P2RY14: variants seen among roughly 807,000 people sequenced by gnomAD.
P2RY14 encodes the protein purinergic receptor P2Y14, also known as P2Y purinoceptor 14.
Under a neutral mutation model 0.9 loss-of-function variants are expected in P2RY14, and 2 were observed. The ratio of observed to expected loss-of-function variants is 2.16; its 90% confidence interval spans 0.88 to 6.79. P2RY14 has a LOEUF of 6.79. P2RY14 is among the 30% of genes most tolerant of loss of function. The probability of loss-of-function intolerance (pLI) is 0.05; values close to 1 mark genes in which losing one functional copy is unlikely to be tolerated. For synonymous variants in P2RY14, 158 were observed against 147.2 expected (o/e 1.07, Z -0.53); for missense variants, 378 against 400.1 (o/e 0.94, Z 0.47).
At chr3:151,240,302 T>C (rs904564243) in intron 1 of P2RY14, among the ~76,000 whole-genome samples, 5 of 152,228 alleles carry the variant, frequency 3.3e-5, no homozygotes, top group Non-Finnish European at 5.9e-5. Flanking sequence ...TTACCCTTTA[T>C]TTCTGTGATT....
At chr3:151,255,512 C>T (rs756355268) in intron 1 of P2RY14, among the ~76,000 whole-genome samples, 35 of 152,042 alleles carry the variant, frequency 2.3e-4, no homozygotes, top group Non-Finnish European at 4.7e-4. Context: ...TTGGTTCTGC[C>T]ATGGCTGGGG....
At chr3:151,218,341 T>A (rs1387068177) in intron 2 of P2RY14, among the ~76,000 whole-genome samples, 1 of 152,150 alleles carries the variant, frequency 6.6e-6, no homozygotes, top group Non-Finnish European at 1.5e-5. Flanking sequence ...ACAGGACTTC[T>A]GGATGATGAT....
chr3:151,264,856 G>A (rs2149516730), intron 1 of P2RY14, among the ~76,000 whole-genome samples: 1 of 152,254 alleles, frequency 6.6e-6, no homozygotes, highest in East Asian at 1.9e-4. Context: ...TGACCAGCTG[G>A]CCCTGCCTGG....
chr3:151,218,148 C>T (rs547904727), intron 2 of P2RY14, among the ~76,000 whole-genome samples: 129 of 151,890 alleles, frequency 8.5e-4, no homozygotes, highest in Non-Finnish European at 1.7e-3. Context: ...GTTTTATTCT[C>T]ATGCTGATTT....
intron 1 of P2RY14, among the ~76,000 whole-genome samples, chr3:151,249,616 GT>G (rs1736445335): frequency 6.6e-6 from 1 of 152,150 alleles, no homozygotes; most frequent in Non-Finnish European, 1.5e-5. Flanking sequence ...ATGCATGCCA[GT>G]ACCTCTTCTA....
At chr3:151,254,501 G>A (rs1737446084) in intron 1 of P2RY14, among the ~76,000 whole-genome samples, 1 of 152,134 alleles carries the variant, frequency 6.6e-6, no homozygotes, top group Non-Finnish European at 1.5e-5. Context: ...ATAATTAGTT[G>A]AGATATGTAA....
intron 1 of P2RY14, among the ~76,000 whole-genome samples, chr3:151,256,863 GT>G (rs1275577729): frequency 2.8e-4 from 28 of 98,272 alleles, no homozygotes; most frequent in Admixed American, 5.8e-4. Context: ...TTTTTTTGTT[GT>G]TTTTTTTTTT....
chr3:151,260,877 G>A (rs749077099), intron 1 of P2RY14, among the ~76,000 whole-genome samples: 2 of 152,038 alleles, frequency 1.3e-5, no homozygotes, highest in African/African-American at 4.8e-5. Flanking sequence ...GACGTTTCCA[G>A]TAAAGTCAAC....
At chr3:151,275,544 T>C (rs1305993112) in intron 1 of P2RY14, among the ~76,000 whole-genome samples, 1 of 152,210 alleles carries the variant, frequency 6.6e-6, no homozygotes, top group African/African-American at 2.4e-5. Context: ...AGTATTTCAC[T>C]TTGACTTTAA....
chr3:151,217,472 A>G (rs1728469519), intron 2 of P2RY14, among the ~76,000 whole-genome samples: 2 of 152,224 alleles, frequency 1.3e-5, no homozygotes, highest in South Asian at 4.1e-4. Context: ...GGACTGACTG[A>G]CCAAGGTAAA....
intron 1 of P2RY14, among the ~76,000 whole-genome samples, chr3:151,265,134 T>A (rs1400255464): frequency 1.3e-5 from 2 of 152,206 alleles, no homozygotes; most frequent in African/African-American, 4.8e-5. Flanking sequence ...ATGCTGTGTG[T>A]CGCCAGCACC....
At chr3:151,252,386 A>G (rs546731895) in intron 1 of P2RY14, among the ~76,000 whole-genome samples, 45 of 152,240 alleles carry the variant, frequency 3.0e-4, no homozygotes, top group African/African-American at 7.2e-4. Context: ...TTTTTCATAG[A>G]AAATAATTGC....
chr3:151,218,387 G>T (rs1005845904), intron 2 of P2RY14, among the ~76,000 whole-genome samples: 2 of 152,172 alleles, frequency 1.3e-5, no homozygotes, highest in African/African-American at 2.4e-5. Flanking sequence ...AGTCTGGTGA[G>T]CCAGTTTGTG....
chr3:151,239,457 A>G (rs765284525), intron 1 of P2RY14, among the ~76,000 whole-genome samples: 1 of 152,246 alleles, frequency 6.6e-6, no homozygotes, highest in Non-Finnish European at 1.5e-5. Flanking sequence ...GGAAGTGGAT[A>G]TGAGAATCCA....
chr3:151,238,738 C>T (rs1733438194), intron 1 of P2RY14, among the ~76,000 whole-genome samples: 1 of 152,130 alleles, frequency 6.6e-6, no homozygotes, highest in African/African-American at 2.4e-5. Flanking sequence ...TAAAGCAATA[C>T]TAGTTTTTAT....
At chr3:151,230,357 C>T (rs1008618069) in intron 1 of P2RY14, among the ~76,000 whole-genome samples, 1 of 152,226 alleles carries the variant, frequency 6.6e-6, no homozygotes. Context: ...CAATAGAAGT[C>T]AGTCAAGTAC....
At chr3:151,232,583 T>C (rs1731899581) in intron 1 of P2RY14, among the ~76,000 whole-genome samples, 1 of 152,212 alleles carries the variant, frequency 6.6e-6, no homozygotes, top group South Asian at 2.1e-4. Context: ...GTGGCACATA[T>C]ATGCCATGGA....
At chr3:151,273,794 C>T (rs1214889519) in intron 1 of P2RY14, among the ~76,000 whole-genome samples, 1 of 152,106 alleles carries the variant, frequency 6.6e-6, no homozygotes, top group African/African-American at 2.4e-5. Context: ...AAGGCATATA[C>T]CATTTCTTAA....
chr3:151,230,584 T>TTTTTA, intron 1 of P2RY14, among the ~76,000 whole-genome samples: 1 of 152,018 alleles, frequency 6.6e-6, no homozygotes, highest in Non-Finnish European at 1.5e-5. Flanking sequence ...TTTTTTTTTT[T>TTTTTA]TGAATGCACT....
Sources: allele counts gnomAD v4.1 joint callset (sites outside exome capture counted in the v4.1 genomes callset), GRCh38; gene constraint gnomAD v4.1.1; transcripts MANE v1.5; gene names NCBI Gene and HGNC (gene_info 2026-07-23, HGNC 2026-07-21).